The following F13A1 variants were observed in gnomAD, a reference collection of about 807,000 sequenced individuals.
F13A1 encodes the protein coagulation factor XIII A chain.
A neutral mutation model predicts 80.1 loss-of-function variants in F13A1; 47 were observed. The observed-to-expected ratio is 0.59, with a 90% CI of 0.46 to 0.75. The LOEUF is 0.75. Ranked by LOEUF, F13A1 falls within the 30% of genes least tolerant of loss-of-function variation. F13A1 has a pLI of 0.00. For missense variants in F13A1, 817 were observed against 930.4 expected (o/e 0.88, Z 1.59); for synonymous variants, 349 against 344.9 (o/e 1.01, Z -0.13).
intron 3 of F13A1, among the ~76,000 whole-genome samples, chr6:6,289,262 G>A (rs1485056170): frequency 1.3e-5 from 2 of 152,004 alleles, no homozygotes; most frequent in Admixed American, 6.6e-5. Context: ...TTGAGTCCAA[G>A]CCGCCTCTTT....
chr6:6,299,325 A>T (rs1396288398), intron 3 of F13A1, among the ~76,000 whole-genome samples: 1 of 121,084 alleles, frequency 8.3e-6, no homozygotes, highest in Non-Finnish European at 1.6e-5. Flanking sequence ...GTTCTCCTGG[A>T]TAATATCCTG....
rs116284240 is a variant in F13A1 at position 6,254,519 on chromosome 6, C to T, written c.572-3590G>A. On this transcript the variant is annotated intron_variant, in intron 4 of 14. Transcript: ENST00000264870. The stretch of plus-strand genomic sequence containing the variant: ...AGTGAGAAAATGAGGTACAGAGCAA[C>T]AGGTTGACACAATCTCTTTTGTGGT... Among the ~76,000 whole-genome samples the T allele has an allele frequency of 9.9e-3, 1,508 of 152,196 alleles. 30 individuals are homozygous for T. The highest frequency in any genetic ancestry group is 0.034 in the African/African-American group (1,429 of 41,492).
At chr6:6,259,013 C>G (rs2113113871) in intron 4 of F13A1, among the ~76,000 whole-genome samples, 1 of 152,310 alleles carries the variant, frequency 6.6e-6, no homozygotes, top group South Asian at 2.1e-4. Context: ...AAAATCCTTG[C>G]TAGAAGCTAT....
chr6:6,224,573 A>C (rs1757248535), intron 7 of F13A1, 113 bp downstream of exon 7: 2 of 993,324 alleles, frequency 2.0e-6, no homozygotes, highest in East Asian at 4.8e-5. Context: ...GCTCACCCAT[A>C]AATTCTATAG....
chr6:6,149,818 T>C lies in F13A1; in HGVS notation c.2045+1995A>G, dbSNP rs773931606. 2.6e-4 allele frequency among the ~76,000 whole-genome samples: 40 copies of C among 152,342 alleles called. 1 individual carries two copies. Among genetic ancestry groups the C allele is most frequent in the Non-Finnish European group, 2.4e-4 (16 of 68,038 alleles). On this transcript the variant is annotated intron_variant, in intron 14 of 14. Coordinates refer to ENST00000264870, the MANE Select transcript of F13A1 (RefSeq NM_000129.4). ...TAGACTTACGTGTTGCAGTAACTAC[T>C]AACAGTACCTTAAGCCAGTGTGTGG...
chr6:6,272,315 A>AGT (rs1561674959), intron 3 of F13A1, among the ~76,000 whole-genome samples: 1 of 152,224 alleles, frequency 6.6e-6, no homozygotes, highest in Non-Finnish European at 1.5e-5. Context: ...TGGTATGGTC[A>AGT]GTATGGTTGA....
intron 6 of F13A1, among the ~76,000 whole-genome samples, chr6:6,239,549 T>C (rs1476049593): frequency 1.3e-5 from 2 of 152,198 alleles, no homozygotes; most frequent in Admixed American, 6.5e-5. Context: ...TTGGTATATA[T>C]ATGACCCAAG....
chr6:6,289,183 G>A (rs1758177225), intron 3 of F13A1, among the ~76,000 whole-genome samples: 1 of 152,142 alleles, frequency 6.6e-6, no homozygotes, highest in Non-Finnish European at 1.5e-5. Flanking sequence ...GTAATGTGAT[G>A]GGGGGTGGGG....
intron 13 of F13A1, among the ~76,000 whole-genome samples, chr6:6,163,292 C>T (rs1055586602): frequency 6.6e-6 from 1 of 152,136 alleles, no homozygotes; most frequent in Non-Finnish European, 1.5e-5. Flanking sequence ...ATTGTGGTTT[C>T]GTACTTTTAC....
At chr6:6,275,580 G>A (rs530205219) in intron 3 of F13A1, among the ~76,000 whole-genome samples, 1 of 152,240 alleles carries the variant, frequency 6.6e-6, no homozygotes, top group Admixed American at 6.5e-5. Flanking sequence ...TGTTAGCCAG[G>A]CTGGTCTTGA....
At chr6:6,303,129 T>C (rs1244704288) in intron 3 of F13A1, among the ~76,000 whole-genome samples, 1 of 152,222 alleles carries the variant, frequency 6.6e-6, no homozygotes, top group Admixed American at 6.5e-5. Flanking sequence ...TATACTGAAA[T>C]CCATTTCTGG....
intron 10 of F13A1, among the ~76,000 whole-genome samples, chr6:6,192,569 A>G (rs1052492152): frequency 6.6e-6 from 1 of 152,214 alleles, no homozygotes; most frequent in African/African-American, 2.4e-5. Context: ...GCCAAGTAGG[A>G]GATGCCAAAA....
chr6:6,161,711 C>T (rs1760579692), intron 13 of F13A1, among the ~76,000 whole-genome samples: 1 of 152,158 alleles, frequency 6.6e-6, no homozygotes, highest in African/African-American at 2.4e-5. Context: ...CTGTCTCTCT[C>T]TGCCTGTTTC....
At chr6:6,279,675 C>T (rs1054846925) in intron 3 of F13A1, among the ~76,000 whole-genome samples, 2 of 152,176 alleles carry the variant, frequency 1.3e-5, no homozygotes, top group African/African-American at 4.8e-5. Context: ...TGAATTTCCC[C>T]CAGCAAATGG....
At chr6:6,222,912 C>T (rs958560034) in intron 7 of F13A1, among the ~76,000 whole-genome samples, 1 of 152,134 alleles carries the variant, frequency 6.6e-6, no homozygotes. Context: ...ATTCAAGGGT[C>T]CCCCTCCTTA....
At chr6:6,183,006 C>T (rs925690313) in intron 10 of F13A1, among the ~76,000 whole-genome samples, 1 of 152,164 alleles carries the variant, frequency 6.6e-6, no homozygotes, top group African/African-American at 2.4e-5. Flanking sequence ...TGTCTGCCCC[C>T]AAGCTCTCCC....
At chr6:6,194,815 A>G (rs976697898) in intron 10 of F13A1, among the ~76,000 whole-genome samples, 16 of 152,288 alleles carry the variant, frequency 1.1e-4, no homozygotes, top group African/African-American at 3.9e-4. Context: ...CTAGAGTGCA[A>G]TGGTTACCAG....
intron 3 of F13A1, among the ~76,000 whole-genome samples, chr6:6,297,399 C>G (rs966443226): frequency 1.3e-5 from 2 of 150,648 alleles, no homozygotes; most frequent in African/African-American, 5.0e-5. Flanking sequence ...GGTTGGTAAG[C>G]TATTGATCAT....
chr6:6,221,053 A>G (rs901089058), intron 8 of F13A1, among the ~76,000 whole-genome samples: 1 of 152,234 alleles, frequency 6.6e-6, no homozygotes, highest in Non-Finnish European at 1.5e-5. Flanking sequence ...CTTGTATAAC[A>G]GAAAGTGTTT....
Sources: allele counts gnomAD v4.1 joint callset (sites outside exome capture counted in the v4.1 genomes callset), GRCh38; gene constraint gnomAD v4.1.1; transcripts MANE v1.5; gene names NCBI Gene and HGNC (gene_info 2026-07-23, HGNC 2026-07-21).